Variants in CPNE4 observed in about 807,000 individuals in gnomAD.
The protein encoded by CPNE4 is copine 4.
CPNE4 carries 25 observed loss-of-function variants against 67.9 expected under a neutral mutation model. The ratio of observed to expected loss-of-function variants is 0.37; its 90% CI spans 0.27 to 0.51. The LOEUF (loss-of-function observed/expected upper bound fraction) is 0.51. CPNE4 is among the 20% of genes least tolerant of loss of function. The probability of loss-of-function intolerance (pLI) is 0.93; values close to 1 mark genes in which losing one functional copy is unlikely to be tolerated. For missense variants in CPNE4, 464 were observed against 690.8 expected, an observed-to-expected ratio of 0.67 and a Z score of 3.68; for synonymous variants, 242 against 244.9, an observed-to-expected ratio of 0.99 and a Z score of 0.11.
chr3:131,715,205 C>A (rs770206902), intron 3 of CPNE4, among the ~76,000 whole-genome samples: 2 of 152,196 alleles, frequency 1.3e-5, no homozygotes, highest in Non-Finnish European at 2.9e-5. Context: ...CGGAGGTTGA[C>A]ACACTGCCAT....
chr3:131,992,467 A>G (rs988799878), intron 1 of CPNE4, among the ~76,000 whole-genome samples: 1 of 136,662 alleles, frequency 7.3e-6, no homozygotes, highest in African/African-American at 2.5e-5. Context: ...AATGGTTCCA[A>G]TGTTTGTATC....
chr3:131,693,069 T>C (rs1466772264), intron 5 of CPNE4, among the ~76,000 whole-genome samples: 1 of 152,164 alleles, frequency 6.6e-6, no homozygotes, highest in Non-Finnish European at 1.5e-5. Flanking sequence ...ACCTAAGCTA[T>C]TTTATGTACT....
At chr3:131,683,853 C>T (rs765812480) in intron 6 of CPNE4, among the ~76,000 whole-genome samples, 2 of 152,090 alleles carry the variant, frequency 1.3e-5, no homozygotes, top group South Asian at 2.1e-4. Context: ...TGAGTGATTC[C>T]CTCTGGCTAG....
intron 2 of CPNE4, among the ~76,000 whole-genome samples, chr3:131,868,513 T>C (rs1181729842): frequency 6.6e-6 from 1 of 152,216 alleles, no homozygotes; most frequent in African/African-American, 2.4e-5. Flanking sequence ...TGGAATTCTT[T>C]AATATGTGAA....
chr3:132,037,168 G>A (rs16838396), upstream of CPNE4, among the ~76,000 whole-genome samples: 7,356 of 152,286 alleles, frequency 0.048, 225 homozygotes, highest in East Asian at 0.11. Context: ...GGCCCTACAT[G>A]TTAAAAGCAT....
chr3:131,998,046 A>C (rs1442197695), intron 1 of CPNE4, among the ~76,000 whole-genome samples: 1 of 152,110 alleles, frequency 6.6e-6, no homozygotes, highest in Non-Finnish European at 1.5e-5. Context: ...CCAACACATG[A>C]ACTTTGGGGG....
chr3:131,773,218 G>T lies in CPNE4; in HGVS notation c.181-49593C>A, dbSNP rs184204919. Among the ~76,000 whole-genome samples the T allele has an allele frequency of 9.5e-3, 1,441 of 152,158 alleles. 19 individuals are homozygous for T. The highest frequency in any genetic ancestry group is 0.033 in the African/African-American group (1,369 of 41,512). On this transcript the variant is annotated intron_variant, in intron 2 of 15. Coordinates refer to ENST00000429747, the MANE Select transcript of CPNE4 (RefSeq NM_130808.3). Reference sequence around the variant, plus strand: ...CCAGCATTTTCATATTTGTAGAGAGGAATATAAGGGATTTAAGGAAAGATT... The same window carrying T: ...CCAGCATTTTCATATTTGTAGAGAGTAATATAAGGGATTTAAGGAAAGATT...
intron 2 of CPNE4, among the ~76,000 whole-genome samples, chr3:131,824,425 A>G (rs2085078516): frequency 6.6e-6 from 1 of 152,226 alleles, no homozygotes; most frequent in Admixed American, 6.5e-5. Flanking sequence ...GGAATTTTTT[A>G]TGGTACATCA....
Position 131,581,505 on chromosome 3 carries a change from G to T in CPNE4, c.867+74C>A. The T allele has an allele frequency of 5.1e-6, 5 of 974,578 alleles. No homozygotes were observed. In the South Asian group the frequency reaches 5.5e-5, roughly 11 times the overall value. The allele number at this position is 974,578 out of a possible 1,614,324, so 60.4% of individuals were successfully genotyped here. A position where few individuals can be genotyped will look rare whatever the true frequency, so the allele number is the denominator to read the frequency against. On this transcript the variant is annotated intron_variant, in intron 9 of 15. Transcript: ENST00000429747. The stretch of plus-strand genomic sequence containing the variant: ...CATCTTTTTGATACTCTTTTCCTCT[G>T]ACCACACCACCTGAACTCTTCCTCT...
intron 3 of CPNE4, among the ~76,000 whole-genome samples, chr3:131,704,611 G>C (rs550290780): frequency 1.3e-5 from 2 of 152,240 alleles, no homozygotes; most frequent in East Asian, 3.9e-4. Flanking sequence ...ATGCTTGACT[G>C]TGTCTGGAAG....
intron 2 of CPNE4, among the ~76,000 whole-genome samples, chr3:131,735,808 TAAAC>T (rs1450178230): frequency 1.3e-5 from 2 of 152,210 alleles, no homozygotes; most frequent in African/African-American, 2.4e-5. Flanking sequence ...ATTAAATTAA[TAAAC>T]AAATGAGACA....
intron 7 of CPNE4, among the ~76,000 whole-genome samples, chr3:131,645,653 C>G (rs2079646191): frequency 6.6e-6 from 1 of 152,050 alleles, no homozygotes; most frequent in African/African-American, 2.4e-5. Flanking sequence ...TTTTTTTATT[C>G]TTTGAAGTCT....
At position 131,783,288 on chromosome 3, in the gene CPNE4, T is replaced by C. The variant is rs540399838; in HGVS notation, c.181-59663A>G. Among the ~76,000 whole-genome samples, 6 of 150,518 alleles carry C rather than the reference T, an allele frequency of 4.0e-5. No individual in the cohort carries two copies. In the East Asian group the frequency reaches 5.8e-4, roughly 15 times the overall value. On this transcript the variant is annotated intron_variant, in intron 2 of 15. Coordinates refer to ENST00000429747, the MANE Select transcript of CPNE4 (RefSeq NM_130808.3). ...TGATCTTCTCAACCACCCTATGAGA[T>C]AGGCCTAGTAGTGAATAATGGGCAT...
At chr3:131,612,448 G>A (rs1939906056) in intron 7 of CPNE4, among the ~76,000 whole-genome samples, 1 of 152,144 alleles carries the variant, frequency 6.6e-6, no homozygotes, top group South Asian at 2.1e-4. Flanking sequence ...GTTGCACATG[G>A]CAATTGGGCC....
chr3:132,003,528 G>C (rs1308294222), intron 1 of CPNE4, among the ~76,000 whole-genome samples: 8 of 151,832 alleles, frequency 5.3e-5, no homozygotes, highest in Non-Finnish European at 1.2e-4. Context: ...TGACAGCTGA[G>C]GGCCCTTCTC....
At chr3:131,687,619 G>A (rs949212996) in intron 5 of CPNE4, among the ~76,000 whole-genome samples, 6 of 152,070 alleles carry the variant, frequency 3.9e-5, no homozygotes, top group African/African-American at 1.4e-4. Flanking sequence ...TCCTTTGTTT[G>A]GTCTCTACTT....
At chr3:131,596,845 C>A (rs1238912227) in intron 7 of CPNE4, among the ~76,000 whole-genome samples, 1 of 152,028 alleles carries the variant, frequency 6.6e-6, no homozygotes, top group Non-Finnish European at 1.5e-5. Context: ...GCCTAGCCAG[C>A]CCCCAACAAT....
chr3:131,977,226 G>C (rs1583545354), intron 1 of CPNE4, among the ~76,000 whole-genome samples: 1 of 152,290 alleles, frequency 6.6e-6, no homozygotes, highest in African/African-American at 2.4e-5. Context: ...GCATCTTGGA[G>C]CTAAAGGGTA....
At chr3:131,800,412 CA>C (rs2084058854) in intron 2 of CPNE4, among the ~76,000 whole-genome samples, 1 of 152,154 alleles carries the variant, frequency 6.6e-6, no homozygotes, top group Non-Finnish European at 1.5e-5. Context: ...TAGCTCCTTG[CA>C]AGTGCATAAC....
Sources: gnomAD v4.1 joint callset for allele counts (sites outside exome capture counted in the v4.1 genomes callset) on GRCh38, gnomAD v4.1.1 for gene constraint, MANE v1.5 for transcripts, NCBI Gene and HGNC (gene_info 2026-07-23, HGNC 2026-07-21) for gene names.